The following DLGAP2 variants were observed in gnomAD, a reference collection of about 807,000 sequenced individuals.
DLGAP2 encodes DLG associated protein 2, also known as disks large-associated protein 2.
In DLGAP2, 26 loss-of-function variants were observed where a neutral mutation model predicts 100.3. The observed-to-expected ratio is 0.26, with a 90% CI of 0.19 to 0.36. DLGAP2 has a LOEUF of 0.36. Among genes scored for constraint, DLGAP2 ranks in the 10% least tolerant of loss-of-function variants. DLGAP2 has a pLI of 1.00. For synonymous variants in DLGAP2, 886 were observed against 630.1 expected, an observed-to-expected ratio of 1.41 and a Z score of -6.08; for missense variants, 1,858 against 1,453.2, an observed-to-expected ratio of 1.28 and a Z score of -4.53.
intron 4 of DLGAP2, among the ~76,000 whole-genome samples, chr8:1,510,330 C>T (rs570338066): frequency 1.3e-5 from 2 of 152,310 alleles, no homozygotes; most frequent in South Asian, 4.1e-4. Context: ...GCTGTCGGGA[C>T]CTTGCCAGCC....
At chr8:1,647,380 T>C (rs892758026) in intron 8 of DLGAP2, among the ~76,000 whole-genome samples, 4 of 150,734 alleles carry the variant, frequency 2.7e-5, no homozygotes, top group African/African-American at 9.7e-5. Context: ...TCCCAGCTAC[T>C]CAGGAGGCTG....
chr8:1,348,760 C>T (rs1801633175), intron 3 of DLGAP2, among the ~76,000 whole-genome samples: 1 of 152,228 alleles, frequency 6.6e-6, no homozygotes, highest in Non-Finnish European at 1.5e-5. Flanking sequence ...CTCATGATGG[C>T]TTTGCAAAGG....
chr8:955,154 C>T (rs1403288676), intron 2 of DLGAP2, among the ~76,000 whole-genome samples: 1 of 152,020 alleles, frequency 6.6e-6, no homozygotes, highest in African/African-American at 2.4e-5. Context: ...GGCAGGTCTT[C>T]ATGCTCATGG....
chr8:1,352,733 C>T (rs1168029128), intron 3 of DLGAP2, among the ~76,000 whole-genome samples: 2 of 152,148 alleles, frequency 1.3e-5, no homozygotes, highest in East Asian at 1.9e-4. Context: ...GCTCGCTGTG[C>T]CCTGCAAATG....
intron 2 of DLGAP2, among the ~76,000 whole-genome samples, chr8:1,061,847 G>A (rs532023440): frequency 6.6e-6 from 1 of 152,146 alleles, no homozygotes; most frequent in African/African-American, 2.4e-5. Context: ...AGACGTCGCT[G>A]GGAGGAGCTG....
At chr8:932,405 T>G (rs897534090) in intron 2 of DLGAP2, among the ~76,000 whole-genome samples, 1 of 152,246 alleles carries the variant, frequency 6.6e-6, no homozygotes, top group Non-Finnish European at 1.5e-5. Context: ...GAAAGACTGA[T>G]AAATGGTTCC....
intron 2 of DLGAP2, among the ~76,000 whole-genome samples, chr8:1,206,430 C>T (rs919416618): frequency 7.1e-6 from 1 of 140,528 alleles, no homozygotes; most frequent in Non-Finnish European, 1.6e-5. Flanking sequence ...AGCGGTTAAT[C>T]TCCAGCCATC....
chr8:767,174 C>A (rs558087764), intron 1 of DLGAP2, among the ~76,000 whole-genome samples: 1 of 152,056 alleles, frequency 6.6e-6, no homozygotes, highest in Non-Finnish European at 1.5e-5. Flanking sequence ...ATCCACGGCT[C>A]CGCTTCTTCC....
intron 2 of DLGAP2, among the ~76,000 whole-genome samples, chr8:1,182,861 G>A (rs556030793): frequency 3.5e-4 from 54 of 152,326 alleles, no homozygotes; most frequent in African/African-American, 1.3e-3. Flanking sequence ...CTGTGGGATC[G>A]GCAGCATCCA....
chr8:1,152,969 T>A (rs921104786), intron 2 of DLGAP2, among the ~76,000 whole-genome samples: 1 of 152,238 alleles, frequency 6.6e-6, no homozygotes, highest in African/African-American at 2.4e-5. Context: ...TCTGATGTAT[T>A]TGGCACTATT....
chr8:1,331,519 C>T (rs963245699), intron 3 of DLGAP2, among the ~76,000 whole-genome samples: 1 of 152,196 alleles, frequency 6.6e-6, no homozygotes, highest in Non-Finnish European at 1.5e-5. Flanking sequence ...GGACACGGAT[C>T]TGGGCAGTGT....
chr8:1,044,302 A>C (rs1802456293), intron 2 of DLGAP2, among the ~76,000 whole-genome samples: 1 of 152,136 alleles, frequency 6.6e-6, no homozygotes, highest in South Asian at 2.1e-4. Flanking sequence ...CATGATTGCA[A>C]ACTCTCCCTG....
At chr8:1,661,867 C>A (rs996973280) in intron 8 of DLGAP2, among the ~76,000 whole-genome samples, 1 of 152,242 alleles carries the variant, frequency 6.6e-6, no homozygotes, top group Non-Finnish European at 1.5e-5. Context: ...CCGGTGTCAT[C>A]ACCATCACTC....
chr8:1,707,930 C>A lies in DLGAP2; in HGVS notation c.*6524C>A, dbSNP rs1041151924. The A allele has an allele frequency of 6.5e-6, 1 of 152,674 alleles. No homozygotes were observed. The highest frequency in any genetic ancestry group is 2.4e-5 in the African/African-American group (1 of 41,548). The allele number at this position is 152,674 out of a possible 1,614,324, so 9.5% of individuals were successfully genotyped here. A position where few individuals can be genotyped will look rare whatever the true frequency, so the allele number is the denominator to read the frequency against. On this transcript the variant is annotated 3_prime_UTR_variant, in exon 15 of 15. Coordinates refer to ENST00000637795, the MANE Select transcript of DLGAP2 (RefSeq NM_001346810.2). Reference sequence around the variant, plus strand: ...GCTTTTATGGTTCTTTTGATAAATTCTATTTAGTAGCATGCAGGATACCTA... The same window carrying A: ...GCTTTTATGGTTCTTTTGATAAATTATATTTAGTAGCATGCAGGATACCTA...
chr8:1,193,967 C>T (rs889519010), intron 2 of DLGAP2, among the ~76,000 whole-genome samples: 7 of 152,096 alleles, frequency 4.6e-5, no homozygotes, highest in African/African-American at 7.2e-5. Flanking sequence ...GAGAGCTTGA[C>T]GGGAAGGAAG....
chr8:1,231,667 G>A (rs757142424), intron 2 of DLGAP2, among the ~76,000 whole-genome samples: 8 of 152,138 alleles, frequency 5.3e-5, no homozygotes, highest in African/African-American at 9.7e-5. Context: ...GAATGAAATC[G>A]TGTTCTTTGC....
At chr8:1,558,484 C>T (rs368794630) in intron 5 of DLGAP2, among the ~76,000 whole-genome samples, 1 of 152,154 alleles carries the variant, frequency 6.6e-6, no homozygotes, top group Non-Finnish European at 1.5e-5. Context: ...GAGACACATA[C>T]AAACATGCAC....
intron 6 of DLGAP2, among the ~76,000 whole-genome samples, chr8:1,601,732 G>C (rs1478248503): frequency 6.6e-6 from 1 of 152,076 alleles, no homozygotes; most frequent in Admixed American, 6.5e-5. Flanking sequence ...TCACCACTCT[G>C]GTCTTTAATT....
chr8:1,088,389 T>C (rs1335615183), intron 2 of DLGAP2, among the ~76,000 whole-genome samples: 3 of 152,138 alleles, frequency 2.0e-5, no homozygotes, highest in Admixed American at 6.5e-5. Flanking sequence ...GAAAAGCTTT[T>C]CTCCTCCTCA....
Sources: allele counts gnomAD v4.1 joint callset (sites outside exome capture counted in the v4.1 genomes callset), GRCh38; gene constraint gnomAD v4.1.1; transcripts MANE v1.5; gene names NCBI Gene and HGNC (gene_info 2026-07-23, HGNC 2026-07-21).